Variants in PLCL2 observed in about 807,000 individuals in gnomAD.
PLCL2 encodes the protein phospholipase C like 2.
In PLCL2, 4 loss-of-function variants were observed where a neutral mutation model predicts 79.6. The observed-to-expected ratio is 0.05, with a 90% CI of 0.02 to 0.11. PLCL2 has a LOEUF of 0.11. Among genes scored for constraint, PLCL2 ranks in the 10% least tolerant of loss-of-function variants. The probability of loss-of-function intolerance (pLI) is 1.00; values close to 1 mark genes in which losing one functional copy is unlikely to be tolerated. For synonymous variants in PLCL2, 484 were observed against 457.7 expected (o/e 1.06, Z -0.73); for missense variants, 895 against 1,291.0 (o/e 0.69, Z 4.70).
intron 1 of PLCL2, among the ~76,000 whole-genome samples, chr3:16,929,028 T>C (rs1697326223): frequency 6.6e-6 from 1 of 152,128 alleles, no homozygotes; most frequent in South Asian, 2.1e-4. Context: ...GTGGTGGTGA[T>C]TGCTGCACAA....
intron 1 of PLCL2, among the ~76,000 whole-genome samples, chr3:16,958,982 C>T (rs1043632023): frequency 6.6e-6 from 1 of 152,180 alleles, no homozygotes; most frequent in Non-Finnish European, 1.5e-5. Context: ...ACCTCACCAA[C>T]ACCTCAGACC....
intron 1 of PLCL2, among the ~76,000 whole-genome samples, chr3:16,992,816 C>A (rs2064117654): frequency 6.6e-6 from 1 of 152,212 alleles, no homozygotes; most frequent in Non-Finnish European, 1.5e-5. Context: ...TGTAGCCAGC[C>A]TCAGGAAATA....
At chr3:16,949,333 A>G (rs572056645) in intron 1 of PLCL2, among the ~76,000 whole-genome samples, 10 of 152,218 alleles carry the variant, frequency 6.6e-5, no homozygotes, top group Non-Finnish European at 1.5e-4. Context: ...GATATTGTCA[A>G]ACTTTATCTG....
intron 1 of PLCL2, among the ~76,000 whole-genome samples, chr3:17,001,036 C>T (rs182699290): frequency 6.2e-4 from 94 of 151,016 alleles, no homozygotes; most frequent in Non-Finnish European, 1.2e-3. Flanking sequence ...TTTACATTTC[C>T]ACTAACAGTA....
chr3:16,966,136 A>G (rs935623921), intron 1 of PLCL2, among the ~76,000 whole-genome samples: 2 of 150,814 alleles, frequency 1.3e-5, no homozygotes, highest in African/African-American at 4.9e-5. Context: ...CCCATTCAGT[A>G]TGATATTGGC....
chr3:17,050,821 G>C lies in PLCL2; in HGVS notation c.3094+7872G>C, dbSNP rs192155441. Among the ~76,000 whole-genome samples the C allele has an allele frequency of 2.0e-5, 3 of 152,238 alleles. No individual in the cohort carries two copies. In the East Asian group the frequency reaches 5.8e-4, roughly 29 times the overall value. ...TGTATACCCAAAAGAAAGGAAATCAGTATATCAAAGAGATACCTGCACTCC... is the reference window on the plus strand; with the variant it reads ...TGTATACCCAAAAGAAAGGAAATCACTATATCAAAGAGATACCTGCACTCC... On this transcript the variant is annotated intron_variant, in intron 4 of 5. Transcript: ENST00000615277.
chr3:17,022,633 T>C (rs4234539), intron 3 of PLCL2, among the ~76,000 whole-genome samples: 87,642 of 152,078 alleles, frequency 0.58, 25,512 homozygotes, highest in South Asian at 0.65. Flanking sequence ...AGCTTCCTTA[T>C]CCCCATTTAT....
rs1264421512 is a variant in PLCL2, at chr3:17,011,957, C to T, written c.2611C>T (p.His871Tyr). ...LQSLTGEVLAHASLFVHVAIT... is the reference protein window; with the variant it reads ...LQSLTGEVLAYASLFVHVAIT... ...GTCCTTAACTGGAGAGGTCCTTGCA[C>T]ATGCTTCTTTATTTGTCCACGTGGC... The change falls in exon 2 of 6, where the codon CAT becomes TAT. Residue 871 changes from histidine (H) to tyrosine (Y), a missense_variant. His to Tyr is a moderately conservative substitution (Grantham distance 83). Transcript: ENST00000615277. This position sits in a 1 kb window ranked among gnomAD's most constrained non-coding sequence, Gnocchi z 7.9. 1 of 1,614,152 alleles carries T rather than the reference C, an allele frequency of 6.2e-7. No individual in the cohort carries two copies. The highest frequency in any genetic ancestry group is 1.1e-5 in the South Asian group (1 of 91,080).
At chr3:16,958,552 T>G (rs1022168064) in intron 1 of PLCL2, among the ~76,000 whole-genome samples, 1 of 152,190 alleles carries the variant, frequency 6.6e-6, no homozygotes, top group Non-Finnish European at 1.5e-5. Flanking sequence ...GTAATTGAAA[T>G]GAGTGACATT....
At chr3:17,008,473 T>C (rs9876768) in intron 1 of PLCL2, among the ~76,000 whole-genome samples, 26,996 of 151,898 alleles carry the variant, frequency 0.18, 2,717 homozygotes, top group Admixed American at 0.23. Flanking sequence ...TTTTAAACTT[T>C]AGTGTACATC....
intron 5 of PLCL2, among the ~76,000 whole-genome samples, chr3:17,069,244 C>T (rs1330294741): frequency 6.6e-6 from 1 of 151,980 alleles, no homozygotes; most frequent in East Asian, 1.9e-4. Context: ...AATGAATGGG[C>T]CCAGTGCTCA....
chr3:17,010,675 A>T lies in PLCL2; in HGVS notation c.1329A>T (p.Thr443=). ...SHYFINSSHN[T]YLIEDQFRGP... ...ACTTTATAAACTCATCTCATAATAC[A>T]TACTTAATAGAGGATCAGTTCCGAG... The change falls in exon 2 of 6, where the codon ACA becomes ACT. Residue 443 remains threonine, a synonymous_variant. Transcript: ENST00000615277. The surrounding 1 kb of genome is among the most constrained non-coding windows in gnomAD (Gnocchi z 5.8). 1 of 1,614,018 alleles carries T rather than the reference A, an allele frequency of 6.2e-7. No individual in the cohort carries two copies. Among genetic ancestry groups the T allele is most frequent in the South Asian group, 1.1e-5 (1 of 91,070 alleles).
intron 3 of PLCL2, among the ~76,000 whole-genome samples, chr3:17,034,158 G>C (rs1416463764): frequency 1.3e-5 from 2 of 152,178 alleles, no homozygotes; most frequent in Admixed American, 1.3e-4. Flanking sequence ...GGTACACCAG[G>C]TACACCAGTT....
At chr3:16,901,870 A>C (rs1318573386) in intron 1 of PLCL2, among the ~76,000 whole-genome samples, 1 of 150,598 alleles carries the variant, frequency 6.6e-6, no homozygotes, top group African/African-American at 2.4e-5. Context: ...CCTTCCATTC[A>C]CCCCTCCACC....
chr3:16,931,636 GGGTC>G (rs1413678015), intron 1 of PLCL2, among the ~76,000 whole-genome samples: 1 of 152,172 alleles, frequency 6.6e-6, no homozygotes, highest in African/African-American at 2.4e-5. Flanking sequence ...TAGAGTCTGA[GGGTC>G]CAGGTTCCAG....
At chr3:16,977,012 G>T (rs1032237490) in intron 1 of PLCL2, among the ~76,000 whole-genome samples, 1 of 151,970 alleles carries the variant, frequency 6.6e-6, no homozygotes, top group African/African-American at 2.4e-5. Flanking sequence ...TAGTACCTTA[G>T]TACTGAGTCT....
intron 3 of PLCL2, among the ~76,000 whole-genome samples, chr3:17,042,406 A>AT (rs1282737201): frequency 6.6e-6 from 1 of 152,218 alleles, no homozygotes; most frequent in African/African-American, 2.4e-5. Flanking sequence ...AATAAATGCT[A>AT]TTTTTTAATT....
Position 16,885,055 on chromosome 3 carries a change from C to G in PLCL2, c.16C>G (p.Arg6Gly), listed in dbSNP as rs549925423. MAECG[R>G]GGAAGGALPT... ...CGGGGCGCCCATGGCGGAGTGCGGC[C>G]GGGGGGGCGCCGCCGGCGGGGCCCT... Residue 6 changes from arginine to glycine, a missense_variant, in exon 1 of 6, where the codon CGG (arginine) becomes GGG (glycine). By Grantham distance (125) the Arg-to-Gly change is moderately radical (BLOSUM62 -2). Around this residue, in one of 6 missense-constraint regions of PLCL2, gnomAD observed 110 missense variants for 42.9 expected, o/e 2.56. Coordinates refer to ENST00000615277, the MANE Select transcript of PLCL2 (RefSeq NM_001144382.2). 1 of 366,586 alleles carries G rather than the reference C, an allele frequency of 2.7e-6. No individual in the cohort carries two copies. The highest frequency in any genetic ancestry group is 4.8e-6 in the Non-Finnish European group (1 of 206,220). The allele number at this position is 366,586 out of a possible 1,614,324, so 22.7% of individuals were successfully genotyped here. A position where few individuals can be genotyped will look rare whatever the true frequency, so the allele number is the denominator to read the frequency against.
chr3:16,977,799 T>G (rs1356202034), intron 1 of PLCL2, among the ~76,000 whole-genome samples: 2 of 152,190 alleles, frequency 1.3e-5, no homozygotes, highest in Non-Finnish European at 2.9e-5. Context: ...CAATGAAAAT[T>G]TATTTCTCAC....
Sources: gnomAD v4.1 joint callset for allele counts (sites outside exome capture counted in the v4.1 genomes callset) on GRCh38, gnomAD v4.1.1 for gene constraint, gnomAD v4.1.1 regional missense constraint, Gnocchi (gnomAD v3.1) non-coding constraint, MANE v1.5 for transcripts, NCBI Gene and HGNC (gene_info 2026-07-23, HGNC 2026-07-21) for gene names.